The following ZSWIM5 variants were observed in gnomAD, a reference collection of about 807,000 sequenced individuals.
The protein encoded by ZSWIM5 is zinc finger SWIM-type containing 5, also known as zinc finger SWIM domain-containing protein 5.
ZSWIM5 carries 55 observed loss-of-function variants against 119.6 expected under a neutral mutation model. That is an observed-to-expected ratio of 0.46 (90% CI 0.37 to 0.58). The LOEUF (loss-of-function observed/expected upper bound fraction) is 0.58. Ranked by LOEUF, ZSWIM5 falls within the 20% of genes least tolerant of loss-of-function variation. The pLI is 0.00. For missense variants in ZSWIM5, 1,193 were observed against 1,512.8 expected, an observed-to-expected ratio of 0.79 and a Z score of 3.51; for synonymous variants, 537 against 606.9, an observed-to-expected ratio of 0.88 and a Z score of 1.69.
At chr1:45,156,640 G>A (rs1645828544) in intron 1 of ZSWIM5, among the ~76,000 whole-genome samples, 1 of 151,188 alleles carries the variant, frequency 6.6e-6, no homozygotes, top group Non-Finnish European at 1.5e-5. Context: ...TATGTAAATG[G>A]ACATACCCAG....
chr1:45,148,406 G>C (rs960418863), intron 1 of ZSWIM5, among the ~76,000 whole-genome samples: 2 of 151,946 alleles, frequency 1.3e-5, no homozygotes, highest in African/African-American at 4.8e-5. Flanking sequence ...AGGGTAGGGT[G>C]GGAGGACTTG....
intron 1 of ZSWIM5, among the ~76,000 whole-genome samples, chr1:45,120,975 G>T (rs2149027511): frequency 6.6e-6 from 1 of 151,542 alleles, no homozygotes; most frequent in South Asian, 2.1e-4. Flanking sequence ...TTTTGAGACG[G>T]AGTCTCGCTC....
At chr1:45,147,023 G>C (rs1645765892) in intron 1 of ZSWIM5, among the ~76,000 whole-genome samples, 1 of 151,560 alleles carries the variant, frequency 6.6e-6, no homozygotes, top group African/African-American at 2.4e-5. Flanking sequence ...AAAATGATAT[G>C]TTCTGAATAA....
chr1:45,137,576 A>G (rs919161130), intron 1 of ZSWIM5, among the ~76,000 whole-genome samples: 5 of 152,186 alleles, frequency 3.3e-5, no homozygotes, highest in African/African-American at 9.7e-5. Context: ...CAAAAACTTG[A>G]AGAAGATGAG....
chr1:45,036,134 C>A lies in ZSWIM5; in HGVS notation c.2060G>T (p.Arg687Leu), dbSNP rs200829972. ...TTGGCTCAGGAGCTGCTCCTCATTA[C>A]GGCATACCTTGTCCTGTGCGTAGAG... ...EGLYAQDKVC[R>L]NEEQLLSQLQ... Residue 687 changes from arginine to leucine, a missense_variant, in exon 9 of 14, where the codon CGT becomes CTT. Coordinates refer to ENST00000359600, the MANE Select transcript of ZSWIM5 (RefSeq NM_020883.2). The A allele has an allele frequency of 1.6e-4, 261 of 1,613,992 alleles. No homozygotes were observed. Among genetic ancestry groups the A allele is most frequent in the Non-Finnish European group, 2.1e-4 (242 of 1,180,028 alleles).
chr1:45,127,736 T>C (rs1455996697), intron 1 of ZSWIM5, among the ~76,000 whole-genome samples: 1 of 152,172 alleles, frequency 6.6e-6, no homozygotes, highest in Non-Finnish European at 1.5e-5. Context: ...CTCACCACTC[T>C]TACTGTACAA....
In ZSWIM5 at chr1:45,206,323, G is replaced by A. The variant is rs773737879; in HGVS notation, c.28C>T (p.Leu10=). MADGGEREE[L]LSPSPVSPAK... Reference sequence around the variant, plus strand: ...GGAGAGACCGGTGACGGCGAGAGCAGCTCCTCTCGCTCACCTCCGTCCGCC... The same window carrying A: ...GGAGAGACCGGTGACGGCGAGAGCAACTCCTCTCGCTCACCTCCGTCCGCC... The change falls in exon 1 of 14, where the codon CTG becomes TTG. Residue 10 remains leucine (L), a synonymous_variant. Coordinates refer to ENST00000359600, the MANE Select transcript of ZSWIM5 (RefSeq NM_020883.2). The A allele has an allele frequency of 3.3e-6, 5 of 1,505,252 alleles. No individual in the cohort carries two copies. The highest frequency in any genetic ancestry group is 4.4e-6 in the Non-Finnish European group (5 of 1,126,466). 93.2% of individuals were successfully genotyped at this position (1,505,252 alleles called of 1,614,324 possible). A position where few individuals can be genotyped will look rare whatever the true frequency, so the allele number is the denominator to read the frequency against.
intron 8 of ZSWIM5, among the ~76,000 whole-genome samples, chr1:45,037,865 G>A (rs573134083): frequency 2.0e-5 from 3 of 152,252 alleles, no homozygotes; most frequent in East Asian, 3.9e-4. Flanking sequence ...AAGTAAGCAC[G>A]GTTTAAAAGT....
Position 45,028,687 on chromosome 1 carries a change from C to T in ZSWIM5, c.2449+5625G>A, listed in dbSNP as rs1475337449. On this transcript the variant is annotated intron_variant, in intron 11 of 13. Coordinates refer to ENST00000359600, the MANE Select transcript of ZSWIM5 (RefSeq NM_020883.2). ...AGGAGATTCATTTGAACTCCGGGCACAGGGGTTGCAGTGAGCTGAAATCGC... is the reference window on the plus strand; with the variant it reads ...AGGAGATTCATTTGAACTCCGGGCATAGGGGTTGCAGTGAGCTGAAATCGC... 5.3e-5 allele frequency among the ~76,000 whole-genome samples: 8 copies of T among 152,070 alleles called. No homozygotes were observed. The East Asian group carries it at 1.5e-3, about 29-fold the overall frequency.
intron 2 of ZSWIM5, among the ~76,000 whole-genome samples, chr1:45,084,343 A>G (rs1463423422): frequency 6.6e-6 from 1 of 152,182 alleles, no homozygotes; most frequent in East Asian, 1.9e-4. Flanking sequence ...CAAATTCAAT[A>G]TGAGATTTGG....
At chr1:45,041,664 G>A (rs1450423595) in intron 6 of ZSWIM5, among the ~76,000 whole-genome samples, 1 of 151,862 alleles carries the variant, frequency 6.6e-6, no homozygotes, top group Non-Finnish European at 1.5e-5. Flanking sequence ...AGCCTCCTGA[G>A]TAGCTGGGAT....
chr1:45,084,759 G>C (rs1411422046), intron 2 of ZSWIM5, among the ~76,000 whole-genome samples: 2 of 152,358 alleles, frequency 1.3e-5, no homozygotes, highest in East Asian at 3.9e-4. Context: ...GATGCAATGG[G>C]TAGGCACCTA....
At chr1:45,130,828 C>T (rs2149030638) in intron 1 of ZSWIM5, among the ~76,000 whole-genome samples, 1 of 152,290 alleles carries the variant, frequency 6.6e-6, no homozygotes, top group South Asian at 2.1e-4. Flanking sequence ...GGAAGTCATT[C>T]AGATGTCCTT....
intron 1 of ZSWIM5, among the ~76,000 whole-genome samples, chr1:45,183,778 G>C (rs528896278): frequency 5.9e-5 from 9 of 152,244 alleles, no homozygotes; most frequent in African/African-American, 1.9e-4. Context: ...ACCAAAAAGA[G>C]TCCAGGACCA....
intron 2 of ZSWIM5, among the ~76,000 whole-genome samples, chr1:45,087,152 G>T (rs912803935): frequency 6.6e-6 from 1 of 152,054 alleles, no homozygotes; most frequent in Non-Finnish European, 1.5e-5. Flanking sequence ...CCAAAGTGCT[G>T]GGATCACAGG....
At chr1:45,112,693 G>A (rs1442532203) in intron 1 of ZSWIM5, among the ~76,000 whole-genome samples, 1 of 152,136 alleles carries the variant, frequency 6.6e-6, no homozygotes, top group African/African-American at 2.4e-5. Context: ...GACCCTTAAG[G>A]GGACTCTGAC....
intron 1 of ZSWIM5, among the ~76,000 whole-genome samples, chr1:45,096,586 T>C (rs1351787830): frequency 1.3e-5 from 2 of 150,792 alleles, no homozygotes; most frequent in African/African-American, 4.9e-5. Context: ...AGCCCTCAAG[T>C]GCTTTAACAC....
chr1:45,054,097 T>C (rs963135019), intron 4 of ZSWIM5, among the ~76,000 whole-genome samples: 2 of 151,934 alleles, frequency 1.3e-5, no homozygotes, highest in East Asian at 1.9e-4. Context: ...CTGGGCAACA[T>C]AGTGAGACCC....
At chr1:45,091,379 T>C (rs1271535988) in intron 1 of ZSWIM5, among the ~76,000 whole-genome samples, 2 of 151,002 alleles carry the variant, frequency 1.3e-5, no homozygotes, top group African/African-American at 4.9e-5. Flanking sequence ...AGCCCCTGAG[T>C]CTAAAGGTGG....
Sources: gnomAD v4.1 joint callset for allele counts (sites outside exome capture counted in the v4.1 genomes callset) on GRCh38, gnomAD v4.1.1 for gene constraint, MANE v1.5 for transcripts, NCBI Gene and HGNC (gene_info 2026-07-23, HGNC 2026-07-21) for gene names.